Variants in PTPRG observed in about 807,000 individuals in gnomAD.
The protein encoded by PTPRG is receptor-type tyrosine-protein phosphatase gamma.
PTPRG carries 102 observed loss-of-function variants against 165.3 expected under a neutral mutation model. The observed-to-expected ratio is 0.62, with a 90% CI of 0.53 to 0.73. The LOEUF (loss-of-function observed/expected upper bound fraction) is 0.73, where lower values mean the gene tolerates loss of function less well. Ranked by LOEUF, PTPRG falls within the 30% of genes least tolerant of loss-of-function variation. PTPRG has a pLI of 0.00. For synonymous variants in PTPRG, 675 were observed against 669.5 expected (o/e 1.01, Z -0.13); for missense variants, 1,866 against 1,861.4 (o/e 1.00, Z -0.05).
intron 2 of PTPRG, among the ~76,000 whole-genome samples, chr3:61,904,074 T>A (rs1196432754): frequency 6.6e-6 from 1 of 152,172 alleles, no homozygotes; most frequent in African/African-American, 2.4e-5. Flanking sequence ...GCTGAGAGAA[T>A]CTGATGAGCT....
chr3:62,015,250 C>G (rs1198481200), intron 4 of PTPRG, among the ~76,000 whole-genome samples: 1 of 152,150 alleles, frequency 6.6e-6, no homozygotes, highest in Non-Finnish European at 1.5e-5. Flanking sequence ...GGCACTGAGG[C>G]CCTGAGACAG....
chr3:61,687,407 C>T (rs1461272464), intron 1 of PTPRG, among the ~76,000 whole-genome samples: 1 of 152,100 alleles, frequency 6.6e-6, no homozygotes, highest in Non-Finnish European at 1.5e-5. Flanking sequence ...ATGATTCTTC[C>T]CGGCAGTCCT....
chr3:61,948,664 G>T (rs916832332), intron 2 of PTPRG, among the ~76,000 whole-genome samples: 3 of 152,092 alleles, frequency 2.0e-5, no homozygotes, highest in African/African-American at 7.2e-5. Context: ...GGAAGGGAGG[G>T]ATGGAGAGAG....
chr3:62,177,088 C>G (rs1361103163), intron 8 of PTPRG, among the ~76,000 whole-genome samples: 1 of 151,758 alleles, frequency 6.6e-6, no homozygotes, highest in Admixed American at 6.6e-5. Context: ...ACAGTGAGAC[C>G]CCATCTCCAC....
intron 1 of PTPRG, among the ~76,000 whole-genome samples, chr3:61,699,970 T>G (rs1004802890): frequency 2.0e-5 from 3 of 152,148 alleles, no homozygotes; most frequent in African/African-American, 7.2e-5. Flanking sequence ...AACAAATATT[T>G]CCTACTTAAG....
intron 6 of PTPRG, 110 bp downstream of exon 6, chr3:62,132,778 C>T: frequency 1.0e-6 from 1 of 994,882 alleles, no homozygotes; most frequent in Non-Finnish European, 1.6e-6. Context: ...TATTCCTCAT[C>T]CCCTGATGTT....
intron 5 of PTPRG, among the ~76,000 whole-genome samples, chr3:62,085,758 T>C (rs1013933495): frequency 4.6e-5 from 7 of 152,240 alleles, no homozygotes; most frequent in African/African-American, 1.7e-4. Flanking sequence ...ATTTTCTTGC[T>C]TATGTATTCA....
intron 2 of PTPRG, among the ~76,000 whole-genome samples, chr3:61,955,129 TACTG>T (rs199895898): frequency 0.012 from 1,880 of 152,354 alleles, 19 homozygotes; most frequent in Non-Finnish European, 0.018. Flanking sequence ...GGATAAGAAT[TACTG>T]ACTGCTTTGG....
Position 62,252,050 on chromosome 3 carries a change from A to G in PTPRG, c.2468-3074A>G, listed in dbSNP as rs1701429987. Among the ~76,000 whole-genome samples the G allele has an allele frequency of 6.6e-6, 1 of 152,100 alleles. No individual in the cohort carries two copies. The highest frequency in any genetic ancestry group is 1.5e-5 in the Non-Finnish European group (1 of 68,016). On this transcript the variant is annotated intron_variant, in intron 15 of 29. Coordinates refer to ENST00000474889, the MANE Select transcript of PTPRG (RefSeq NM_002841.4). This position sits in a 1 kb window ranked among gnomAD's most constrained non-coding sequence, Gnocchi z 4.6. ...TTATACCATAATAATCTCTCATTTA[A>G]TCTGTTGTCAGTGAAAACATCTTCA... is the stretch of plus-strand genomic sequence containing the variant.
At chr3:61,655,199 T>C (rs768207093) in intron 1 of PTPRG, among the ~76,000 whole-genome samples, 4 of 152,080 alleles carry the variant, frequency 2.6e-5, no homozygotes, top group Non-Finnish European at 5.9e-5. Context: ...TTGTCCAGAG[T>C]TGTACAAGGG....
intron 2 of PTPRG, among the ~76,000 whole-genome samples, chr3:61,876,704 T>A (rs1210027350): frequency 6.6e-6 from 1 of 152,056 alleles, no homozygotes; most frequent in Non-Finnish European, 1.5e-5. Flanking sequence ...AAGTCGGGAG[T>A]TTGAGACCAG....
At chr3:61,892,869 G>A (rs372621167) in intron 2 of PTPRG, among the ~76,000 whole-genome samples, 1 of 151,802 alleles carries the variant, frequency 6.6e-6, no homozygotes, top group Non-Finnish European at 1.5e-5. Flanking sequence ...ATATGTATGT[G>A]TATTAATGAA....
chr3:61,779,433 C>T (rs941311890), intron 2 of PTPRG, among the ~76,000 whole-genome samples: 4 of 152,180 alleles, frequency 2.6e-5, no homozygotes, highest in Non-Finnish European at 4.4e-5. Flanking sequence ...GTGTTGGGAG[C>T]TGCAGGCTTG....
intron 23 of PTPRG, 100 bp from the exon 24 acceptor site, chr3:62,275,773 C>A: frequency 1.2e-6 from 1 of 837,258 alleles, no homozygotes; most frequent in South Asian, 1.8e-5. Context: ...CAGAAATGGT[C>A]TTGTTTATCA....
intron 2 of PTPRG, among the ~76,000 whole-genome samples, chr3:61,788,539 C>CT (rs2034778672): frequency 6.6e-6 from 1 of 152,234 alleles, no homozygotes; most frequent in Non-Finnish European, 1.5e-5. Context: ...GATTTTCCTA[C>CT]ATTGGTAAAT....
At chr3:61,638,319 G>C in intron 1 of PTPRG, among the ~76,000 whole-genome samples, 1 of 151,498 alleles carries the variant, frequency 6.6e-6, no homozygotes, top group Non-Finnish European at 1.5e-5. Context: ...GGACCTTGCT[G>C]TAGAGCAGCA....
At chr3:61,992,039 C>G (rs1003290722) in intron 3 of PTPRG, among the ~76,000 whole-genome samples, 12 of 152,138 alleles carry the variant, frequency 7.9e-5, no homozygotes, top group African/African-American at 2.4e-4. Context: ...AAATACGAAG[C>G]CATCAGTCTC....
chr3:62,067,037 T>TG (rs759567324), intron 4 of PTPRG, among the ~76,000 whole-genome samples: 5,962 of 47,826 alleles, frequency 0.12, 175 homozygotes, highest in Non-Finnish European at 0.17. Flanking sequence ...AGATTCTGAC[T>TG]CAAAAAAAAA....
At chr3:62,079,012 C>T (rs559193706) in intron 5 of PTPRG, among the ~76,000 whole-genome samples, 91 of 152,210 alleles carry the variant, frequency 6.0e-4, no homozygotes, top group African/African-American at 2.1e-3. Context: ...GTTGACCTAG[C>T]GACTACATAA....
Sources: allele counts gnomAD v4.1 joint callset (sites outside exome capture counted in the v4.1 genomes callset), GRCh38; gene constraint gnomAD v4.1.1; non-coding constraint Gnocchi (gnomAD v3.1); transcripts MANE v1.5; gene names NCBI Gene and HGNC (gene_info 2026-07-23, HGNC 2026-07-21).